Variants in FRMD6 observed in about 807,000 individuals in gnomAD.
The protein encoded by FRMD6 is FERM domain containing 6.
A neutral mutation model predicts 73.2 loss-of-function variants in FRMD6; 37 were observed. The observed-to-expected ratio is 0.51, with a 90% CI of 0.39 to 0.66. The LOEUF (loss-of-function observed/expected upper bound fraction) is 0.66, where lower values mean the gene tolerates loss of function less well. Ranked by LOEUF, FRMD6 falls within the 30% of genes least tolerant of loss-of-function variation. The pLI, the probability that FRMD6 is intolerant of heterozygous loss-of-function variation, is 0.00. For missense variants in FRMD6, 714 were observed against 780.5 expected, an observed-to-expected ratio of 0.91 and a Z score of 1.02; for synonymous variants, 273 against 282.2, an observed-to-expected ratio of 0.97 and a Z score of 0.33.
intron 1 of FRMD6, among the ~76,000 whole-genome samples, chr14:51,525,209 C>G (rs919645857): frequency 2.6e-5 from 4 of 151,754 alleles, no homozygotes; most frequent in Non-Finnish European, 5.9e-5. Flanking sequence ...TAAGTACAAA[C>G]AGAAGGGAAA....
intron 1 of FRMD6, among the ~76,000 whole-genome samples, chr14:51,553,562 G>T (rs1368011459): frequency 6.6e-6 from 1 of 152,004 alleles, no homozygotes; most frequent in Admixed American, 6.6e-5. Context: ...TTAAGAAAGG[G>T]TCCTCTTTCT....
At chr14:51,616,012 A>G (rs1468165179) in intron 2 of FRMD6, among the ~76,000 whole-genome samples, 1 of 152,186 alleles carries the variant, frequency 6.6e-6, no homozygotes, top group Non-Finnish European at 1.5e-5. Context: ...AAAGGAAGAG[A>G]TTAGATCTTG....
intron 1 of FRMD6, among the ~76,000 whole-genome samples, chr14:51,549,629 G>A (rs1380604980): frequency 3.6e-5 from 4 of 111,184 alleles, no homozygotes; most frequent in Non-Finnish European, 6.7e-5. Flanking sequence ...ACAGAGTCTC[G>A]CTGTCGCCCG....
Position 51,556,445 on chromosome 14 carries a change from T to A in FRMD6, c.-209-13903T>A, listed in dbSNP as rs577629013. ...TGTGAGTAGGTGAGAGCCTTAATCA[T>A]CAGAGTCAAACCTTAAGTGCTAAAA... is the stretch of plus-strand genomic sequence containing the variant. On this transcript the variant is annotated intron_variant, in intron 1 of 14. Coordinates refer to the FRMD6 transcript ENST00000356218. 3.3e-5 allele frequency among the ~76,000 whole-genome samples: 5 copies of A among 152,324 alleles called. No individual in the cohort carries two copies. The South Asian group carries it at 1.0e-3, about 32-fold the overall frequency.
chr14:51,578,657 A>G (rs1370625869), intron 2 of FRMD6, among the ~76,000 whole-genome samples: 1 of 152,212 alleles, frequency 6.6e-6, no homozygotes, highest in African/African-American at 2.4e-5. Context: ...TTTTTGTGCC[A>G]GGCACTATGC....
At chr14:51,528,747 A>G (rs749049791) in intron 1 of FRMD6, among the ~76,000 whole-genome samples, 3 of 152,190 alleles carry the variant, frequency 2.0e-5, no homozygotes, top group Non-Finnish European at 4.4e-5. Context: ...TAGTTCTGAT[A>G]TCCTGTGGTT....
At chr14:51,513,008 CAG>C (rs1449999902) in intron 1 of FRMD6, among the ~76,000 whole-genome samples, 1 of 152,196 alleles carries the variant, frequency 6.6e-6, no homozygotes, top group Non-Finnish European at 1.5e-5. Flanking sequence ...TCAGAGGAGA[CAG>C]AGAGGCTTTC....
At chr14:51,411,992 G>A in the FRMD6 span, among the ~76,000 whole-genome samples, 1 of 151,806 alleles carries the variant, frequency 6.6e-6, no homozygotes, top group Admixed American at 6.6e-5. Context: ...TTTATTTTTG[G>A]CTTCTTAATC....
chr14:51,413,043 C>T, the FRMD6 span, among the ~76,000 whole-genome samples: 42 of 144,680 alleles, frequency 2.9e-4, no homozygotes, highest in Non-Finnish European at 4.5e-4. Context: ...CAGGCTGGAG[C>T]GCAGTGGCGT....
the FRMD6 span, among the ~76,000 whole-genome samples, chr14:51,462,373 T>A: frequency 6.6e-6 from 1 of 152,104 alleles, no homozygotes; most frequent in African/African-American, 2.4e-5. Flanking sequence ...GGTAAGAAAT[T>A]ATATGGGTGT....
chr14:51,497,406 T>A (rs1883368635), intron 1 of FRMD6, among the ~76,000 whole-genome samples: 2 of 152,288 alleles, frequency 1.3e-5, no homozygotes, highest in Non-Finnish European at 2.9e-5. Context: ...TTTATCGGTT[T>A]TCCATGTATC....
At chr14:51,588,828 G>A (rs983676586) in intron 2 of FRMD6, among the ~76,000 whole-genome samples, 8 of 152,202 alleles carry the variant, frequency 5.3e-5, no homozygotes, top group African/African-American at 1.9e-4. Flanking sequence ...AACCCACACA[G>A]GGGACAAAGG....
intron 1 of FRMD6, among the ~76,000 whole-genome samples, chr14:51,515,970 G>T (rs6572768): frequency 6.6e-6 from 1 of 151,902 alleles, no homozygotes; most frequent in Non-Finnish European, 1.5e-5. Flanking sequence ...ATGCAAAGGG[G>T]TTGAAGGCCA....
At chr14:51,478,292 A>G in the FRMD6 span, among the ~76,000 whole-genome samples, 1 of 152,230 alleles carries the variant, frequency 6.6e-6, no homozygotes. Context: ...GATACAAGAT[A>G]TATTATATGC....
At chr14:51,582,837 T>A (rs1289644003) in intron 2 of FRMD6, among the ~76,000 whole-genome samples, 1 of 152,188 alleles carries the variant, frequency 6.6e-6, no homozygotes, top group Non-Finnish European at 1.5e-5. Flanking sequence ...TCATGAAATG[T>A]CCCTTTGGTA....
intron 1 of FRMD6, among the ~76,000 whole-genome samples, chr14:51,549,595 C>CTTTTTTTTTTTTTTTTTT (rs35356416): frequency 9.2e-5 from 9 of 98,004 alleles, no homozygotes; most frequent in East Asian, 3.0e-4. Context: ...TTTTTTCTTT[C>CTTTTTTTTTTTTTTTTTT]TTTTTTTTTT....
chr14:51,543,072 A>G (rs572743435), intron 1 of FRMD6, among the ~76,000 whole-genome samples: 46 of 152,114 alleles, frequency 3.0e-4, no homozygotes, highest in South Asian at 1.0e-3. Flanking sequence ...CCTTTGATGA[A>G]CAAAAGTTTT....
At chr14:51,645,930 T>C (rs1892045377) in intron 2 of FRMD6, among the ~76,000 whole-genome samples, 1 of 152,274 alleles carries the variant, frequency 6.6e-6, no homozygotes, top group Admixed American at 6.5e-5. Flanking sequence ...AAAGCCAGCA[T>C]TGGCCAGGCT....
intron 10 of FRMD6, among the ~76,000 whole-genome samples, chr14:51,718,418 A>G (rs1377653066): frequency 1.3e-5 from 2 of 152,276 alleles, no homozygotes; most frequent in Non-Finnish European, 2.9e-5. Flanking sequence ...TATTAGGTCC[A>G]CAGTTCCTAA....
Sources: allele counts gnomAD v4.1 joint callset (sites outside exome capture counted in the v4.1 genomes callset), GRCh38; gene constraint gnomAD v4.1.1; transcripts MANE v1.5; gene names NCBI Gene and HGNC (gene_info 2026-07-23, HGNC 2026-07-21).